ZNF263: variants seen among roughly 807,000 people sequenced by gnomAD.
ZNF263 encodes zinc finger protein 263.
A neutral mutation model predicts 63.1 loss-of-function variants in ZNF263; 49 were observed. That is an observed-to-expected ratio of 0.78 (90% CI 0.62 to 0.99). ZNF263 has a LOEUF of 0.99. Among genes scored for constraint, ZNF263 ranks in the 50% least tolerant of loss-of-function variants. ZNF263 has a pLI of 0.00. For synonymous variants in ZNF263, 352 were observed against 324.2 expected (o/e 1.09, Z -0.92); for missense variants, 872 against 854.8 (o/e 1.02, Z -0.25).
Position 3,290,235 on chromosome 16 carries a change from T to C in ZNF263, c.1729T>C (p.Cys577Arg). Residue 577 changes from cysteine (C) to arginine (R), a missense_variant, in exon 6 of 6, where the codon TGT (cysteine) becomes CGT (arginine). Coordinates refer to ENST00000219069, the MANE Select transcript of ZNF263 (RefSeq NM_005741.5). ...TAAGGCAGAGAAGAAGCTCTTTGAATGTTTGACTTGTGGGAAAAGCTTCCG... is the reference window on the plus strand; with the variant it reads ...TAAGGCAGAGAAGAAGCTCTTTGAACGTTTGACTTGTGGGAAAAGCTTCCG... ...AHKAEKKLFECLTCGKSFRQG... is the reference protein window; with the variant it reads ...AHKAEKKLFERLTCGKSFRQG... 6.2e-7 allele frequency: 1 copy of C among 1,614,150 alleles called. No homozygotes were observed.
At chr16:3,296,672 T>C (rs1292856550) in intron 1 of ZNF263, among the ~76,000 whole-genome samples, 2 of 152,206 alleles carry the variant, frequency 1.3e-5, no homozygotes, top group Non-Finnish European at 2.9e-5. Flanking sequence ...CTACAAGTTC[T>C]GGGTAATAAA....
At chr16:3,289,309 C>G (rs1959504888) in intron 5 of ZNF263, 84 bp from the exon 6 acceptor site, 2 of 1,437,804 alleles carry the variant, frequency 1.4e-6, no homozygotes, top group Non-Finnish European at 1.9e-6. Context: ...GGCTGCTGAC[C>G]TAACAGGCAG....
chr16:3,297,121 G>A (rs1959767727), intron 1 of ZNF263, among the ~76,000 whole-genome samples: 1 of 151,924 alleles, frequency 6.6e-6, no homozygotes, highest in Non-Finnish European at 1.5e-5. Context: ...TGAGAAACAT[G>A]GTGAAACCTC....
chr16:3,285,857 G>A (rs1959332608), intron 3 of ZNF263, 103 bp downstream of exon 3: 7 of 1,517,762 alleles, frequency 4.6e-6, no homozygotes, highest in South Asian at 2.3e-5. Flanking sequence ...TTACCACAGC[G>A]TCTCCCCCAC....
At chr16:3,297,151 G>C (rs1390148471) in intron 1 of ZNF263, among the ~76,000 whole-genome samples, 1 of 151,832 alleles carries the variant, frequency 6.6e-6, no homozygotes, top group East Asian at 2.0e-4. Flanking sequence ...AAAAATACAA[G>C]TCAGGTGTGG....
intron 2 of ZNF263, chr16:3,300,568 A>G (rs760851447): frequency 1.9e-6 from 3 of 1,604,340 alleles, no homozygotes; most frequent in Non-Finnish European, 2.6e-6. Context: ...TAGAACCTTC[A>G]TTTTCTCCTC....
chr16:3,289,548 C>T lies in ZNF263; in HGVS notation c.1042C>T (p.Pro348Ser). The part of the protein sequence containing the change: ...HDRSQGDWAP[P>S]PEGGMEQALA... ...CCGGTCGCAAGGGGATTGGGCGCCT[C>T]CCCCAGAGGGTGGAATGGAGCAGGC... The change falls in exon 6 of 6, where the codon CCC becomes TCC. Residue 348 changes from proline (P) to serine (S), a missense_variant. By Grantham distance (74) the Pro-to-Ser change is moderately conservative (BLOSUM62 -1). Transcript: ENST00000219069. 6.2e-7 allele frequency: 1 copy of T among 1,610,342 alleles called. No homozygotes were observed. The highest frequency in any genetic ancestry group is 2.2e-5 in the East Asian group (1 of 44,858).
In ZNF263 at chr16:3,290,091, C is replaced by T. The variant is rs528204707; in HGVS notation, c.1585C>T (p.Arg529Trp). Residue 529 changes from arginine (R) to tryptophan (W), a missense_variant, in exon 6 of 6, where the codon CGG (arginine) becomes TGG (tryptophan). Coordinates refer to ENST00000219069, the MANE Select transcript of ZNF263 (RefSeq NM_005741.5). Reference protein sequence around the residue: ...KCPECGKSFSRSSHLVIHERT... With the variant: ...KCPECGKSFSWSSHLVIHERT... ...TCCCGAGTGTGGGAAAAGTTTCTCTCGGAGTTCACACCTCGTCATTCACGA... is the reference window on the plus strand; with the variant it reads ...TCCCGAGTGTGGGAAAAGTTTCTCTTGGAGTTCACACCTCGTCATTCACGA... The T allele has an allele frequency of 7.4e-6, 12 of 1,614,116 alleles. No individual in the cohort carries two copies. The highest frequency in any genetic ancestry group is 3.3e-5 in the Admixed American group (2 of 60,010).
At chr16:3,289,246 A>G (rs1030524157) in intron 5 of ZNF263, 147 bp from the exon 6 acceptor site, 1 of 742,868 alleles carries the variant, frequency 1.3e-6, no homozygotes, top group Non-Finnish European at 2.1e-6. Context: ...GCTTCTCCAG[A>G]GTGCTTTACC....
chr16:3,294,020 G>C (rs1959682656), downstream of ZNF263, among the ~76,000 whole-genome samples: 1 of 152,180 alleles, frequency 6.6e-6, no homozygotes, highest in African/African-American at 2.4e-5. Context: ...TCGCCTCCCG[G>C]GTTCACGCCA....
downstream of ZNF263, among the ~76,000 whole-genome samples, chr16:3,295,217 G>C (rs538284213): frequency 1.3e-5 from 2 of 152,244 alleles, no homozygotes; most frequent in South Asian, 2.1e-4. Flanking sequence ...CCCGGGCCTC[G>C]GGGCTGCCGC....
At chr16:3,300,042 A>G in intron 2 of ZNF263, 1 of 1,614,214 alleles carries the variant, frequency 6.2e-7, no homozygotes, top group East Asian at 2.2e-5. Context: ...TACTTGCCTG[A>G]GAATTTTCTG....
chr16:3,286,937 A>C (rs963257323), intron 4 of ZNF263: 5 of 152,168 alleles, frequency 3.3e-5, no homozygotes, highest in African/African-American at 1.2e-4. Flanking sequence ...CACCAGTAGA[A>C]AGACTCACTG....
chr16:3,290,124 CATGAG>C lies in ZNF263; in HGVS notation c.1620_1624del (p.His540GlnfsTer9). On this transcript the variant is annotated frameshift_variant, in exon 6 of 6. Transcript: ENST00000219069. LOFTEE classifies it high-confidence loss of function. ...ACACCTCGTCATTCACGAAAGAACT[CATGAG>C]AGAGAGAGACTTTACCCCTTCTCTG... 6.2e-7 allele frequency: 1 copy of C among 1,614,114 alleles called. No homozygotes were observed. Among genetic ancestry groups the C allele is most frequent in the Non-Finnish European group, 8.5e-7 (1 of 1,180,026 alleles).
At chr16:3,289,208 G>T (rs896884412) in intron 5 of ZNF263, among the ~76,000 whole-genome samples, 185 bp from the exon 6 acceptor site, 1 of 152,136 alleles carries the variant, frequency 6.6e-6, no homozygotes, top group Non-Finnish European at 1.5e-5. Context: ...CTGATTCCTT[G>T]ACCAGTGGCC....
chr16:3,283,737 C>T lies in ZNF263; in HGVS notation c.-82C>T, dbSNP rs1280740398. 2.1e-6 allele frequency: 3 copies of T among 1,419,952 alleles called. No homozygotes were observed. The highest frequency in any genetic ancestry group is 1.5e-5 in the African/African-American group (1 of 68,686). 88.0% of individuals were successfully genotyped at this position (1,419,952 alleles called of 1,614,324 possible). A position where few individuals can be genotyped will look rare whatever the true frequency, so the allele number is the denominator to read the frequency against. On this transcript the variant is annotated 5_prime_UTR_variant, in exon 1 of 6. Transcript: ENST00000219069. Reference sequence around the variant, plus strand: ...CCCCGGCCCCGGGCTCCTGCTGGCGCCGTCCAACCTTACATGGGTTCAGGG... The same window carrying T: ...CCCCGGCCCCGGGCTCCTGCTGGCGTCGTCCAACCTTACATGGGTTCAGGG...
chr16:3,289,008 G>A (rs986358868), intron 5 of ZNF263, among the ~76,000 whole-genome samples: 1 of 152,196 alleles, frequency 6.6e-6, no homozygotes, highest in Middle Eastern at 3.4e-3. Context: ...GGTACATTAC[G>A]TCCTTTGACC....
At position 3,290,678 on chromosome 16, in the gene ZNF263, G is replaced by A; in HGVS notation, c.*120G>A. 2.1e-6 allele frequency: 3 copies of A among 1,451,476 alleles called. No homozygotes were observed. Among genetic ancestry groups the A allele is most frequent in the Non-Finnish European group, 2.7e-6 (3 of 1,108,916 alleles). 89.9% of individuals were successfully genotyped at this position (1,451,476 alleles called of 1,614,324 possible). On this transcript the variant is annotated 3_prime_UTR_variant, in exon 6 of 6. Coordinates refer to ENST00000219069, the MANE Select transcript of ZNF263 (RefSeq NM_005741.5). ...CCTCTGCATTCTTCAGGTAATGGGG[G>A]CTCATTGTGAGGGAGGTGCAGAGGC...
intron 4 of ZNF263, 47 bp downstream of exon 4, chr16:3,286,196 G>C (rs375471534): frequency 1.5e-5 from 23 of 1,544,958 alleles, no homozygotes; most frequent in Non-Finnish European, 1.9e-5. Flanking sequence ...TTTCTGACCA[G>C]GGTCCTGCCC....
Sources: gnomAD v4.1 joint callset for allele counts (sites outside exome capture counted in the v4.1 genomes callset) on GRCh38, gnomAD v4.1.1 for gene constraint, MANE v1.5 for transcripts, NCBI Gene and HGNC (gene_info 2026-07-23, HGNC 2026-07-21) for gene names.